ZNF514: variants seen among roughly 807,000 people sequenced by gnomAD.
ZNF514 encodes zinc finger protein 514.
Under a neutral mutation model 9.7 loss-of-function variants are expected in ZNF514, and 12 were observed. That is an observed-to-expected ratio of 1.24 (90% CI 0.79 to 2.01). The LOEUF (loss-of-function observed/expected upper bound fraction) is 2.01, where lower values mean the gene tolerates loss of function less well. Ranked by LOEUF, ZNF514 falls within the 30% of genes most tolerant of loss-of-function variation. ZNF514 has a pLI of 0.00. For missense variants in ZNF514, 467 were observed against 465.5 expected, an observed-to-expected ratio of 1.00 and a Z score of -0.03; for synonymous variants, 158 against 163.7, an observed-to-expected ratio of 0.97 and a Z score of 0.27.
chr2:95,132,666 A>G, the ZNF514 span, among the ~76,000 whole-genome samples: 91 of 152,104 alleles, frequency 6.0e-4, no homozygotes, highest in Non-Finnish European at 1.1e-3. Context: ...TCAGGAGTTC[A>G]AGACCAGCCT....
chr2:95,144,391 A>AT (rs1235400134), downstream of ZNF514, among the ~76,000 whole-genome samples: 2 of 152,160 alleles, frequency 1.3e-5, no homozygotes, highest in Non-Finnish European at 2.9e-5. Context: ...GGAGCTGGTG[A>AT]TTGAGTTCAA....
rs755576101 is a variant in ZNF514 at position 95,150,170 on chromosome 2, T to C, written c.315A>G (p.Gln105=). The C allele has an allele frequency of 1.2e-6, 2 of 1,609,918 alleles. No homozygotes were observed. The highest frequency in any genetic ancestry group is 8.5e-7 in the Non-Finnish European group (1 of 1,179,960). ...TCAACTTCGAGAACTGCAGCACATC[T>C]TGAATGTGTTTTTCCACTGATACTA... ...FQVVSVEKHI[Q]DVLQFSKLKA... The change falls in exon 5 of 5, where the codon CAA becomes CAG. Residue 105 remains glutamine, a synonymous_variant. Transcript: ENST00000295208.
rs1414698026 is a variant in ZNF514, at chr2:95,145,724, T to G, written c.*3558A>C. Among the ~76,000 whole-genome samples the G allele has an allele frequency of 6.6e-6, 1 of 152,236 alleles. No homozygotes were observed. Among genetic ancestry groups the G allele is most frequent in the African/African-American group, 2.4e-5 (1 of 41,472 alleles). Reference sequence around the variant, plus strand: ...GTAAATCTTACATGTATTGATGTCTTACATTCCCCTAAAATGTAAAAATGC... The same window carrying G: ...GTAAATCTTACATGTATTGATGTCTGACATTCCCCTAAAATGTAAAAATGC... On this transcript the variant is annotated 3_prime_UTR_variant, in exon 5 of 5. Transcript: ENST00000295208.
the ZNF514 span, among the ~76,000 whole-genome samples, chr2:95,139,324 G>A: frequency 6.6e-6 from 1 of 152,214 alleles, no homozygotes; most frequent in African/African-American, 2.4e-5. Context: ...TTCCAGAATG[G>A]TAGAGCCACC....
the ZNF514 span, among the ~76,000 whole-genome samples, chr2:95,132,804 G>T: frequency 6.7e-6 from 1 of 150,046 alleles, no homozygotes; most frequent in Admixed American, 6.7e-5. Context: ...GGAGGCGGAG[G>T]TTGCAGTGAG....
At chr2:95,137,270 A>G in the ZNF514 span, among the ~76,000 whole-genome samples, 4 of 152,206 alleles carry the variant, frequency 2.6e-5, no homozygotes, top group Non-Finnish European at 5.9e-5. Context: ...ATTCAAAAAT[A>G]TCAACATTAA....
chr2:95,128,349 C>T, the ZNF514 span, among the ~76,000 whole-genome samples: 6 of 149,672 alleles, frequency 4.0e-5, no homozygotes, highest in South Asian at 1.1e-3. Flanking sequence ...GAGATCCCAC[C>T]GTTGCACTCC....
chr2:95,139,669 A>C, the ZNF514 span, among the ~76,000 whole-genome samples: 1 of 152,176 alleles, frequency 6.6e-6, no homozygotes, highest in Admixed American at 6.5e-5. Flanking sequence ...TTGAGACTTC[A>C]GACTTTTGAG....
chr2:95,131,207 G>T, the ZNF514 span, among the ~76,000 whole-genome samples: 1 of 152,136 alleles, frequency 6.6e-6, no homozygotes, highest in Admixed American at 6.5e-5. Flanking sequence ...CTTGACATCT[G>T]GTGAAATCAG....
chr2:95,159,275 A>G lies in ZNF514; in HGVS notation c.-131T>C. 1 of 160,666 alleles carries G rather than the reference A, an allele frequency of 6.2e-6. No individual in the cohort carries two copies. The highest frequency in any genetic ancestry group is 1.4e-5 in the Non-Finnish European group (1 of 73,718). The allele number at this position is 160,666 out of a possible 1,614,324, so 10.0% of individuals were successfully genotyped here. The stretch of plus-strand genomic sequence containing the variant: ...GCTCCTCCTCAGGACCAGGCTCTGG[A>G]ACCCAGCTCCCACGTGGATCCACAC... On this transcript the variant is annotated 5_prime_UTR_variant, in exon 1 of 5. Coordinates refer to ENST00000295208, the MANE Select transcript of ZNF514 (RefSeq NM_032788.3).
At chr2:95,139,253 C>T in the ZNF514 span, among the ~76,000 whole-genome samples, 1 of 152,200 alleles carries the variant, frequency 6.6e-6, no homozygotes, top group East Asian at 1.9e-4. Context: ...AGCCCCCACA[C>T]AGTGTCCCCA....
chr2:95,149,267 C>T lies in ZNF514; in HGVS notation c.*15G>A, dbSNP rs765400181. The T allele has an allele frequency of 6.5e-7, 1 of 1,549,572 alleles. No individual in the cohort carries two copies. Among genetic ancestry groups the T allele is most frequent in the South Asian group, 1.3e-5 (1 of 77,862 alleles). On this transcript the variant is annotated 3_prime_UTR_variant, in exon 5 of 5. Transcript: ENST00000295208. ...GTCTGCACTCCAGCTGAAAGCCCTT[C>T]TATATTCACTGAATTTATAGGGTTT... is the stretch of plus-strand genomic sequence containing the variant.
chr2:95,143,894 A>C (rs1673304124), downstream of ZNF514, among the ~76,000 whole-genome samples: 2 of 152,342 alleles, frequency 1.3e-5, no homozygotes, highest in South Asian at 4.1e-4. Context: ...AAAGAAAGGA[A>C]TGTGGGGAGT....
rs778857150 is a variant in ZNF514, at chr2:95,149,472, T to G, written c.1013A>C (p.His338Pro). The G allele has an allele frequency of 1.2e-6, 2 of 1,614,008 alleles. No homozygotes were observed. The highest frequency in any genetic ancestry group is 1.7e-6 in the Non-Finnish European group (2 of 1,179,964). Reference protein sequence around the residue: ...SSSLIVHYRFHTGEKPYKCNK... With the variant: ...SSSLIVHYRFPTGEKPYKCNK... ...ACATTTGTAAGGTTTCTCTCCAGTA[T>G]GAAATCTGTAATGCACAATGAGTGA... Residue 338 changes from histidine to proline, a missense_variant, in exon 5 of 5, where the codon CAT becomes CCT. Coordinates refer to ENST00000295208, the MANE Select transcript of ZNF514 (RefSeq NM_032788.3).
intron 1 of ZNF514, 34 bp from the exon 2 acceptor site, chr2:95,157,473 A>C (rs936040236): frequency 4.8e-5 from 59 of 1,238,726 alleles, no homozygotes; most frequent in Non-Finnish European, 6.3e-5. Flanking sequence ...AGGGAAGCTG[A>C]CCCAGCCAGC....
At chr2:95,128,860 ATCTCACAACTTATT>A in the ZNF514 span, among the ~76,000 whole-genome samples, 1 of 152,216 alleles carries the variant, frequency 6.6e-6, no homozygotes, top group East Asian at 1.9e-4. Context: ...ACTGAAGCTC[ATCTCACAACTTATT>A]TCTCACAACT....
the ZNF514 span, among the ~76,000 whole-genome samples, chr2:95,138,270 G>A: frequency 3.3e-5 from 5 of 152,320 alleles, no homozygotes; most frequent in Middle Eastern, 3.4e-3. Context: ...GGGTAACAGC[G>A]AGAGGGTGGA....
At chr2:95,131,969 C>A in the ZNF514 span, among the ~76,000 whole-genome samples, 1 of 151,670 alleles carries the variant, frequency 6.6e-6, no homozygotes, top group African/African-American at 2.4e-5. Context: ...ATGGTGAAAC[C>A]CTGTCTCTAC....
the ZNF514 span, among the ~76,000 whole-genome samples, chr2:95,130,140 CAT>C: frequency 6.6e-6 from 1 of 152,026 alleles, no homozygotes; most frequent in South Asian, 2.1e-4. Context: ...CCAGGGGAGA[CAT>C]CACACATTGG....
Sources: allele counts gnomAD v4.1 joint callset (sites outside exome capture counted in the v4.1 genomes callset), GRCh38; gene constraint gnomAD v4.1.1; transcripts MANE v1.5; gene names NCBI Gene and HGNC (gene_info 2026-07-23, HGNC 2026-07-21).